Variants in WHAMM observed in about 807,000 individuals in gnomAD.
The protein encoded by WHAMM is WASP homolog associated with actin, golgi membranes and microtubules.
In WHAMM, 67 loss-of-function variants were observed where a neutral mutation model predicts 76.5. The ratio of observed to expected loss-of-function variants is 0.88; its 90% CI spans 0.72 to 1.07. The LOEUF is 1.07. Ranked by LOEUF, WHAMM falls within the 50% of genes least tolerant of loss-of-function variation. WHAMM has a pLI of 0.00. For missense variants in WHAMM, 1,021 were observed against 1,051.1 expected, an observed-to-expected ratio of 0.97 and a Z score of 0.40; for synonymous variants, 419 against 422.1, an observed-to-expected ratio of 0.99 and a Z score of 0.09.
intron 1 of WHAMM, among the ~76,000 whole-genome samples, chr15:82,811,429 T>C (rs2050626770): frequency 6.6e-6 from 1 of 152,224 alleles, no homozygotes; most frequent in African/African-American, 2.4e-5. Flanking sequence ...AGGTGGTTTC[T>C]CCTTAAAATC....
chr15:82,813,702 C>T (rs1380919270), intron 2 of WHAMM, among the ~76,000 whole-genome samples: 1 of 126,638 alleles, frequency 7.9e-6, no homozygotes, highest in Non-Finnish European at 1.6e-5. Flanking sequence ...CCTTTGTCAG[C>T]CAGGCTGGAG....
At chr15:82,828,067 A>C (rs542036064) in intron 8 of WHAMM, among the ~76,000 whole-genome samples, 3 of 152,304 alleles carry the variant, frequency 2.0e-5, no homozygotes, top group Non-Finnish European at 4.4e-5. Context: ...TGTAGCCCCC[A>C]AAAACAACCC....
intron 5 of WHAMM, 146 bp from the exon 6 acceptor site, chr15:82,822,952 TAC>T: frequency 1.8e-6 from 1 of 571,154 alleles, no homozygotes; most frequent in Non-Finnish European, 2.7e-6. Context: ...GCATGTATAT[TAC>T]ATATACACAT....
Position 82,826,461 on chromosome 15 carries a change from A to C in WHAMM, c.1510A>C (p.Ile504Leu), listed in dbSNP as rs1322772716. 6 of 1,614,072 alleles carry C rather than the reference A, an allele frequency of 3.7e-6. No individual in the cohort carries two copies. The highest frequency in any genetic ancestry group is 5.1e-6 in the Non-Finnish European group (6 of 1,179,890). ...RFRLQQAEES[I>L]RYSRQHHSIQ... The stretch of plus-strand genomic sequence containing the variant: ...CAGATTGCAACAGGCTGAAGAAAGC[A>C]TAAGATACTCTCGTCAGCATCACAG... The change falls in exon 7 of 10, where the codon ATA (isoleucine) becomes CTA (leucine). Residue 504 changes from isoleucine to leucine, a missense_variant. Physicochemically the swap from Ile to Leu is conservative, Grantham distance 5. This residue lies in a region of WHAMM where 509 missense variants were observed against 492.3 expected (regional missense o/e 1.03). Transcript: ENST00000286760.
intron 1 of WHAMM, among the ~76,000 whole-genome samples, chr15:82,811,706 G>T (rs575078347): frequency 5.3e-4 from 81 of 152,274 alleles, no homozygotes; most frequent in African/African-American, 1.9e-3. Flanking sequence ...CCAATTGCTA[G>T]TATTGCTAGG....
rs577663785 is a variant in WHAMM at position 82,812,162 on chromosome 15, TG to T, written c.610-937del. On this transcript the variant is annotated intron_variant, in intron 1 of 9. Transcript: ENST00000286760. ...TAAGGGCTTCATGGGAATATTAATC[TG>T]GGGCATTAAGAGAATCAACATGCTG... Among the ~76,000 whole-genome samples the T allele has an allele frequency of 2.6e-3, 403 of 152,314 alleles. 4 individuals are homozygous for T. The highest frequency in any genetic ancestry group is 0.013 in the South Asian group (62 of 4,824).
At chr15:82,810,380 C>T (rs1299558530) in intron 1 of WHAMM, 45 bp downstream of exon 1, 2 of 1,264,966 alleles carry the variant, frequency 1.6e-6, no homozygotes, top group South Asian at 2.9e-5. Context: ...CTTCCATGGC[C>T]TGGGACACTG....
rs1192425296 is a variant in WHAMM, at chr15:82,830,813, A to C, written c.1856A>C (p.Gln619Pro). The C allele has an allele frequency of 6.2e-7, 1 of 1,609,442 alleles. No homozygotes were observed. Among genetic ancestry groups the C allele is most frequent in the African/African-American group, 1.3e-5 (1 of 74,832 alleles). ...AACTGTCATGGAAATATCCCTGTCCAGGTTTTTGTTCCAGTTGGTGATCAA... is the reference window on the plus strand; with the variant it reads ...AACTGTCATGGAAATATCCCTGTCCCGGTTTTTGTTCCAGTTGGTGATCAA... ...CQNCHGNIPV[Q>P]VFVPVGDQTH... The change falls in exon 9 of 10, where the codon CAG becomes CCG. Residue 619 changes from glutamine to proline, a missense_variant. Coordinates refer to ENST00000286760, the MANE Select transcript of WHAMM (RefSeq NM_001080435.3).
At chr15:82,818,150 G>T (rs1032284913) in intron 4 of WHAMM, 61 bp downstream of exon 4, 5 of 1,498,434 alleles carry the variant, frequency 3.3e-6, no homozygotes, top group African/African-American at 2.8e-5. Flanking sequence ...AAAACATTTT[G>T]TATAAATAAA....
chr15:82,821,151 C>G (rs552530554), intron 5 of WHAMM, among the ~76,000 whole-genome samples: 1 of 152,216 alleles, frequency 6.6e-6, no homozygotes, highest in Non-Finnish European at 1.5e-5. Context: ...TATTTCCTTT[C>G]CACATTAAAA....
Position 82,810,257 on chromosome 15 carries a change from C to G in WHAMM, c.531C>G (p.Ala177=), listed in dbSNP as rs2050604685. Residue 177 remains alanine (A), a synonymous_variant, in exon 1 of 10, where the codon GCC becomes GCG. Transcript: ENST00000286760. The part of the protein sequence containing the change: ...DALFPAEGGA[A]DCESPREFRE... ...TCTTCCCGGCTGAGGGCGGCGCGGC[C>G]GACTGCGAAAGCCCGCGCGAGTTCC... 2 of 1,389,342 alleles carry G rather than the reference C, an allele frequency of 1.4e-6. No individual in the cohort carries two copies. The highest frequency in any genetic ancestry group is 9.3e-7 in the Non-Finnish European group (1 of 1,073,388). The allele number at this position is 1,389,342 out of a possible 1,614,324, so 86.1% of individuals were successfully genotyped here.
intron 8 of WHAMM, among the ~76,000 whole-genome samples, chr15:82,829,262 G>A (rs2050987946): frequency 6.6e-6 from 1 of 152,138 alleles, no homozygotes; most frequent in Non-Finnish European, 1.5e-5. Context: ...CTTGAACCCA[G>A]GAGTTTGAGA....
chr15:82,813,647 A>ATTTTTTTTT (rs10563149), intron 2 of WHAMM, among the ~76,000 whole-genome samples: 3 of 60,072 alleles, frequency 5.0e-5, no homozygotes, highest in Non-Finnish European at 5.6e-5. Flanking sequence ...CTGGTGATGA[A>ATTTTTTTTT]TTTTTTTTTT....
chr15:82,814,769 T>TTC (rs1260347603), intron 2 of WHAMM, among the ~76,000 whole-genome samples: 1 of 133,682 alleles, frequency 7.5e-6, no homozygotes, highest in Non-Finnish European at 1.6e-5. Flanking sequence ...TTCCTTTCTT[T>TTC]TTTTTTTTTT....
At position 82,834,511 on chromosome 15, in the gene WHAMM, G is replaced by T. The variant is rs1290573649; in HGVS notation, c.*975G>T. The stretch of plus-strand genomic sequence containing the variant: ...TGATCTAGAATTGTTCCCTGATTCT[G>T]AAAGAAGTTTACACTACACTGGTAA... On this transcript the variant is annotated 3_prime_UTR_variant, in exon 10 of 10. Coordinates refer to ENST00000286760, the MANE Select transcript of WHAMM (RefSeq NM_001080435.3). The T allele has an allele frequency of 6.6e-6, 1 of 152,664 alleles. No individual in the cohort carries two copies. Among genetic ancestry groups the T allele is most frequent in the Non-Finnish European group, 1.5e-5 (1 of 68,044 alleles). The allele number at this position is 152,664 out of a possible 1,614,324, so 9.5% of individuals were successfully genotyped here.
At chr15:82,813,388 A>T (rs1422096355) in intron 2 of WHAMM, 112 bp downstream of exon 2, 1 of 1,053,544 alleles carries the variant, frequency 9.5e-7, no homozygotes, top group African/African-American at 1.6e-5. Context: ...GTTTACCATT[A>T]TGTTTATTTA....
At position 82,809,798 on chromosome 15, in the gene WHAMM, G is replaced by A; in HGVS notation, c.72G>A (p.Glu24=). 6.2e-7 allele frequency: 1 copy of A among 1,602,448 alleles called. No homozygotes were observed. The highest frequency in any genetic ancestry group is 1.1e-5 in the South Asian group (1 of 89,844). ...PVREGLFAEP[E]RHRLRFLVAW... ...GGGAGGGCCTCTTCGCCGAGCCCGAGAGGCACCGGCTGCGCTTCCTGGTGG... is the reference window on the plus strand; with the variant it reads ...GGGAGGGCCTCTTCGCCGAGCCCGAAAGGCACCGGCTGCGCTTCCTGGTGG... The change falls in exon 1 of 10, where the codon GAG becomes GAA. Residue 24 remains glutamate (E), a synonymous_variant. Transcript: ENST00000286760.
At chr15:82,822,563 A>T (rs1406441560) in intron 5 of WHAMM, among the ~76,000 whole-genome samples, 1 of 152,122 alleles carries the variant, frequency 6.6e-6, no homozygotes, top group Non-Finnish European at 1.5e-5. Flanking sequence ...TCAGCCTGCC[A>T]GGTAGCTCGG....
At position 82,826,464 on chromosome 15, in the gene WHAMM, A is replaced by G. The variant is rs1267397945; in HGVS notation, c.1513A>G (p.Arg505Gly). 1.2e-6 allele frequency: 2 copies of G among 1,614,038 alleles called. No individual in the cohort carries two copies. Among genetic ancestry groups the G allele is most frequent in the Non-Finnish European group, 1.7e-6 (2 of 1,179,876 alleles). The change falls in exon 7 of 10, where the codon AGA (arginine) becomes GGA (glycine). Residue 505 changes from arginine to glycine, a missense_variant. This residue lies in a region of WHAMM where 509 missense variants were observed against 492.3 expected (regional missense o/e 1.03). Transcript: ENST00000286760. ...ATTGCAACAGGCTGAAGAAAGCATA[A>G]GATACTCTCGTCAGCATCACAGTAT... is the stretch of plus-strand genomic sequence containing the variant. ...FRLQQAEESI[R>G]YSRQHHSIQM... is the part of the protein sequence containing the mutation.
Sources: allele counts gnomAD v4.1 joint callset (sites outside exome capture counted in the v4.1 genomes callset), GRCh38; gene constraint gnomAD v4.1.1; regional missense constraint gnomAD v4.1.1; transcripts MANE v1.5; gene names NCBI Gene and HGNC (gene_info 2026-07-23, HGNC 2026-07-21).